GREB1: variants seen among roughly 807,000 people sequenced by gnomAD.
The protein encoded by GREB1 is growth regulating estrogen receptor binding 1.
In GREB1, 106 loss-of-function variants were observed where a neutral mutation model predicts 200.7. That is an observed-to-expected ratio of 0.53 (90% CI 0.45 to 0.62). The LOEUF (loss-of-function observed/expected upper bound fraction) is 0.62, where lower values mean the gene tolerates loss of function less well. Ranked by LOEUF, GREB1 falls within the 20% of genes least tolerant of loss-of-function variation. The pLI is 0.00. For synonymous variants in GREB1, 1,132 were observed against 1,092.4 expected (o/e 1.04, Z -0.72); for missense variants, 2,243 against 2,556.8 (o/e 0.88, Z 2.65).
intron 1 of GREB1, among the ~76,000 whole-genome samples, chr2:11,508,893 G>C (rs1439860925): frequency 1.9e-5 from 1 of 53,260 alleles, no homozygotes; most frequent in Non-Finnish European, 3.7e-5. Context: ...TTTTTTTTTC[G>C]GGACAGAGTC....
Position 11,633,056 on chromosome 2 carries a change from A to C in GREB1, c.4984A>C (p.Arg1662=). The change falls in exon 28 of 33, where the codon AGA becomes CGA. Residue 1662 remains arginine (R), a synonymous_variant. Coordinates refer to ENST00000381486, the MANE Select transcript of GREB1 (RefSeq NM_014668.4). This position sits in a 1 kb window ranked among gnomAD's most constrained non-coding sequence, Gnocchi z 4.1. The part of the protein sequence containing the change: ...NVVDVNSAGE[R]SREFSWSERN... ...GGTGGATGTCAACTCTGCTGGGGAG[A>C]GAAGCAGGTGAGGTAACCTGAGAGC... 2 of 1,613,934 alleles carry C rather than the reference A, an allele frequency of 1.2e-6. No individual in the cohort carries two copies. Among genetic ancestry groups the C allele is most frequent in the Non-Finnish European group, 1.7e-6 (2 of 1,179,964 alleles).
Position 11,515,953 on chromosome 2 carries a change from C to T in GREB1, c.-159+33572C>T, listed in dbSNP as rs576807912. Among the ~76,000 whole-genome samples the T allele has an allele frequency of 8.5e-5, 13 of 152,274 alleles. 1 individual carries two copies. In the South Asian group the frequency reaches 1.7e-3, roughly 19 times the overall value. On this transcript the variant is annotated intron_variant, in intron 1 of 2. Coordinates refer to the GREB1 transcript ENST00000628795. ...AGGCAAGACAGCACTTCGGGCATGC[C>T]GCAGAAACACAACCAGAGAAAAGCT... is the stretch of plus-strand genomic sequence containing the variant.
In GREB1 at chr2:11,575,420, A is replaced by G. The variant is rs1487412089; in HGVS notation, c.455-933A>G. Among the ~76,000 whole-genome samples the G allele has an allele frequency of 2.0e-5, 3 of 152,216 alleles. No individual in the cohort carries two copies. In the East Asian group the frequency reaches 5.8e-4, roughly 29 times the overall value. On this transcript the variant is annotated intron_variant, in intron 4 of 32. Transcript: ENST00000381486. ...ACAGTGTATGAAGGTCTTTTCAAGCACATTCTCTGGATTTTAATAGCTTCC... is the reference window on the plus strand; with the variant it reads ...ACAGTGTATGAAGGTCTTTTCAAGCGCATTCTCTGGATTTTAATAGCTTCC...
chr2:11,513,337 A>C (rs1673400918), intron 1 of GREB1, among the ~76,000 whole-genome samples: 1 of 152,050 alleles, frequency 6.6e-6, no homozygotes, highest in Non-Finnish European at 1.5e-5. Flanking sequence ...ACCCTCATGG[A>C]TTTCAATCCC....
At chr2:11,613,182 C>T (rs779918030) in intron 19 of GREB1, among the ~76,000 whole-genome samples, 5 of 152,128 alleles carry the variant, frequency 3.3e-5, no homozygotes, top group South Asian at 2.1e-4. Context: ...CATATCCACT[C>T]GATGTCCGCT....
chr2:11,528,062 C>A (rs1413918963), intron 1 of GREB1, among the ~76,000 whole-genome samples: 1 of 152,190 alleles, frequency 6.6e-6, no homozygotes, highest in Non-Finnish European at 1.5e-5. Context: ...AAATCAAATT[C>A]CACCAAACCC....
chr2:11,525,813 C>T (rs565597287), intron 1 of GREB1, among the ~76,000 whole-genome samples: 16 of 152,282 alleles, frequency 1.1e-4, no homozygotes, highest in African/African-American at 2.9e-4. Flanking sequence ...CTCCTGGCCC[C>T]GGCTCCATCC....
intron 27 of GREB1, 42 bp from the exon 28 acceptor site, chr2:11,632,847 G>A (rs1427205297): frequency 6.3e-7 from 1 of 1,576,950 alleles, no homozygotes; most frequent in South Asian, 1.1e-5. Flanking sequence ...TGTGGGTGTG[G>A]GTGCAGGTCA....
intron 1 of GREB1, among the ~76,000 whole-genome samples, chr2:11,546,943 CTTTTT>C (rs386354826): frequency 4.0e-5 from 5 of 123,486 alleles, no homozygotes; most frequent in Non-Finnish European, 3.5e-5. Flanking sequence ...CTAGTTTAAA[CTTTTT>C]TTTTTTTTTT....
At position 11,632,094 on chromosome 2, in the gene GREB1, C is replaced by T; in HGVS notation, c.4797C>T (p.Ile1599=). ...PNHIMLVLPS[I]FNSAGVGAAH... is the part of the protein sequence containing the mutation. Reference sequence around the variant, plus strand: ...ACATCATGCTGGTGCTCCCCAGTATCTTCAACAGTGCTGGAGTTGGTGAGT... The same window carrying T: ...ACATCATGCTGGTGCTCCCCAGTATTTTCAACAGTGCTGGAGTTGGTGAGT... Residue 1599 remains isoleucine (I), a synonymous_variant, in exon 27 of 33, where the codon ATC becomes ATT. Coordinates refer to ENST00000381486, the MANE Select transcript of GREB1 (RefSeq NM_014668.4). The T allele has an allele frequency of 6.2e-7, 1 of 1,612,998 alleles. No homozygotes were observed. The highest frequency in any genetic ancestry group is 8.5e-7 in the Non-Finnish European group (1 of 1,178,990).
At chr2:11,616,758 C>A in intron 21 of GREB1, 38 bp downstream of exon 21, 1 of 1,281,714 alleles carries the variant, frequency 7.8e-7, no homozygotes, top group Non-Finnish European at 1.1e-6. Flanking sequence ...GACCAGCAGA[C>A]TGATTTTTGA....
intron 1 of GREB1, among the ~76,000 whole-genome samples, chr2:11,504,522 C>T (rs1043489480): frequency 6.6e-6 from 1 of 152,204 alleles, no homozygotes; most frequent in Admixed American, 6.5e-5. Flanking sequence ...AATCCTGCAT[C>T]TATGAGCGAG....
At chr2:11,503,865 G>C (rs1056233711) in intron 1 of GREB1, among the ~76,000 whole-genome samples, 7 of 151,690 alleles carry the variant, frequency 4.6e-5, no homozygotes, top group African/African-American at 7.3e-5. Flanking sequence ...ATTCCCCCTT[G>C]TCCATGGGAT....
At position 11,576,365 on chromosome 2, in the gene GREB1, A is replaced by C. The variant is rs1267499154; in HGVS notation, c.467A>C (p.Asn156Thr). The C allele has an allele frequency of 1.2e-6, 2 of 1,610,600 alleles. No homozygotes were observed. Among genetic ancestry groups the C allele is most frequent in the Non-Finnish European group, 1.7e-6 (2 of 1,178,938 alleles). ...CTTCCTTCTCCAGGTTTCTCTGGGA[A>C]TTGTGTTGGCTGTGGAAAGAAAGGC... is the stretch of plus-strand genomic sequence containing the variant. ...GHNALLGFSG[N>T]CVGCGKKGFC... The change falls in exon 5 of 33, where the codon AAT (asparagine) becomes ACT (threonine). Residue 156 changes from asparagine (N) to threonine (T), a missense_variant. Asn to Thr is a moderately conservative substitution (Grantham distance 65). Around this residue, in one of 3 missense-constraint regions of GREB1, gnomAD observed 1,178 missense variants for 1,387.4 expected, o/e 0.85. Coordinates refer to ENST00000381486, the MANE Select transcript of GREB1 (RefSeq NM_014668.4).
At chr2:11,487,392 C>T (rs1295275581) in intron 1 of GREB1, among the ~76,000 whole-genome samples, 9 of 152,174 alleles carry the variant, frequency 5.9e-5, no homozygotes, top group African/African-American at 1.7e-4. Flanking sequence ...CGTAGGACAA[C>T]GCTTGCTTTT....
chr2:11,599,614 G>C (rs1348204869), intron 15 of GREB1, among the ~76,000 whole-genome samples: 1 of 150,082 alleles, frequency 6.7e-6, no homozygotes, highest in Non-Finnish European at 1.5e-5. Flanking sequence ...TCTGCCTCCC[G>C]GGTTCACACC....
chr2:11,561,185 G>T (rs1485856916), intron 2 of GREB1: 1 of 152,048 alleles, frequency 6.6e-6, no homozygotes, highest in Non-Finnish European at 1.5e-5. Context: ...CTTATAAAAA[G>T]CTTCCTACAT....
At chr2:11,593,215 G>A (rs1680911317) in intron 11 of GREB1, 89 bp downstream of exon 11, 1 of 945,386 alleles carries the variant, frequency 1.1e-6, no homozygotes, top group African/African-American at 1.7e-5. Flanking sequence ...TTCTGTCTAG[G>A]GTGGCCCGGG....
At chr2:11,636,884 G>T (rs1195807301) in intron 30 of GREB1, among the ~76,000 whole-genome samples, 2 of 139,922 alleles carry the variant, frequency 1.4e-5, no homozygotes, top group African/African-American at 5.1e-5. Context: ...AGAGGCAGGG[G>T]CATGGACAGA....
Sources: allele counts gnomAD v4.1 joint callset (sites outside exome capture counted in the v4.1 genomes callset), GRCh38; gene constraint gnomAD v4.1.1; regional missense constraint gnomAD v4.1.1; non-coding constraint Gnocchi (gnomAD v3.1); transcripts MANE v1.5; gene names NCBI Gene and HGNC (gene_info 2026-07-23, HGNC 2026-07-21).